RGS17: variants seen among roughly 807,000 people sequenced by gnomAD.
RGS17 encodes regulator of G-protein signaling 17.
RGS17 carries 12 observed loss-of-function variants against 25.5 expected under a neutral mutation model. The ratio of observed to expected loss-of-function variants is 0.47; its 90% CI spans 0.30 to 0.76. The LOEUF (loss-of-function observed/expected upper bound fraction) is 0.76, where lower values mean the gene tolerates loss of function less well. RGS17 is among the 30% of genes least tolerant of loss of function. The pLI is 0.07. For synonymous variants in RGS17, 71 were observed against 76.9 expected (o/e 0.92, Z 0.40); for missense variants, 196 against 242.2 (o/e 0.81, Z 1.27).
chr6:153,097,289 GATTTTT>G (rs61381463), intron 1 of RGS17, among the ~76,000 whole-genome samples: 1,913 of 77,200 alleles, frequency 0.025, 87 homozygotes, highest in African/African-American at 0.083. Flanking sequence ...GCGTTTTTTT[GATTTTT>G]TTTTTTTTTT....
rs576707948 is a variant in RGS17 at position 153,059,284 on chromosome 6, T to C, written c.-25-15241A>G. 8.1e-4 allele frequency among the ~76,000 whole-genome samples: 124 copies of C among 152,358 alleles called. 1 individual carries two copies. The highest frequency in any genetic ancestry group is 2.8e-3 in the African/African-American group (117 of 41,590). ...GGCTCATGTATATCTATTGGTCGCA[T>C]TTAAAAGCATTATTCGACAGAGCTG... On this transcript the variant is annotated intron_variant, in intron 1 of 4. Coordinates refer to ENST00000206262, the MANE Select transcript of RGS17 (RefSeq NM_012419.5).
At chr6:153,076,157 A>G (rs377398084) in intron 1 of RGS17, among the ~76,000 whole-genome samples, 2 of 152,270 alleles carry the variant, frequency 1.3e-5, no homozygotes, top group South Asian at 4.1e-4. Context: ...AATTTTAAAC[A>G]TTACACTCTG....
intron 1 of RGS17, among the ~76,000 whole-genome samples, chr6:153,071,450 G>C (rs1776801887): frequency 6.6e-6 from 1 of 151,978 alleles, no homozygotes; most frequent in African/African-American, 2.4e-5. Context: ...TATCAATGGT[G>C]TAGGACCAAG....
intron 1 of RGS17, among the ~76,000 whole-genome samples, chr6:153,117,988 G>A (rs955358906): frequency 6.6e-6 from 1 of 152,222 alleles, no homozygotes; most frequent in Non-Finnish European, 1.5e-5. Context: ...ACCACATTAG[G>A]AAGACAGTTC....
rs372293270 is a variant in RGS17 at position 153,081,938 on chromosome 6, T to C, written c.-25-37895A>G. Among the ~76,000 whole-genome samples, 12 of 152,322 alleles carry C rather than the reference T, an allele frequency of 7.9e-5. No individual in the cohort carries two copies. In the South Asian group the frequency reaches 1.0e-3, roughly 13 times the overall value. On this transcript the variant is annotated intron_variant, in intron 1 of 4. Transcript: ENST00000206262. Reference sequence around the variant, plus strand: ...GCATTACAGTTCTGTTTGACACATATTTTCTCAGTTATTGATGACTGGATA... The same window carrying C: ...GCATTACAGTTCTGTTTGACACATACTTTCTCAGTTATTGATGACTGGATA...
At chr6:153,050,251 G>A (rs1239345952) in intron 1 of RGS17, among the ~76,000 whole-genome samples, 1 of 151,982 alleles carries the variant, frequency 6.6e-6, no homozygotes, top group Non-Finnish European at 1.5e-5. Flanking sequence ...AGCTCAAAAG[G>A]AAAAGCTTTT....
Position 153,117,205 on chromosome 6 carries a change from G to C in RGS17, c.-26+13919C>G, listed in dbSNP as rs992975245. On this transcript the variant is annotated intron_variant, in intron 1 of 4. Coordinates refer to ENST00000206262, the MANE Select transcript of RGS17 (RefSeq NM_012419.5). ...TACAATCATGGCGGAAGGTGAAGGG[G>C]AAGCAAGCTTGGACTTTCTCACATG... 6.6e-5 allele frequency among the ~76,000 whole-genome samples: 10 copies of C among 152,324 alleles called. No homozygotes were observed. The East Asian group carries it at 1.2e-3, about 18-fold the overall frequency.
chr6:153,012,164 G>A (rs1779140909), intron 4 of RGS17, among the ~76,000 whole-genome samples: 1 of 152,106 alleles, frequency 6.6e-6, no homozygotes, highest in Non-Finnish European at 1.5e-5. Flanking sequence ...AAAATCTACT[G>A]GCAGAAAAGA....
chr6:153,061,675 G>A (rs1467692758), intron 1 of RGS17, among the ~76,000 whole-genome samples: 1 of 150,822 alleles, frequency 6.6e-6, no homozygotes, highest in Admixed American at 6.6e-5. Flanking sequence ...ATCTTAAATG[G>A]GAATGAAGAG....
intron 1 of RGS17, among the ~76,000 whole-genome samples, chr6:153,082,406 C>CT (rs1562329085): frequency 6.6e-6 from 1 of 152,090 alleles, no homozygotes; most frequent in Non-Finnish European, 1.5e-5. Flanking sequence ...TTTTTCCTCT[C>CT]TGTGTCTTAA....
intron 1 of RGS17, among the ~76,000 whole-genome samples, chr6:153,084,802 C>G (rs1777030795): frequency 6.6e-6 from 1 of 152,042 alleles, no homozygotes; most frequent in Admixed American, 6.6e-5. Context: ...TCTGGAAAAG[C>G]CTTAAGTGGT....
chr6:153,122,833 T>C (rs1777652124), intron 1 of RGS17, among the ~76,000 whole-genome samples: 1 of 151,770 alleles, frequency 6.6e-6, no homozygotes, highest in Non-Finnish European at 1.5e-5. Context: ...CTAATAACAA[T>C]AATAATCATA....
chr6:153,089,010 T>C (rs764030893), intron 1 of RGS17, among the ~76,000 whole-genome samples: 3 of 152,156 alleles, frequency 2.0e-5, no homozygotes, highest in African/African-American at 7.2e-5. Flanking sequence ...CTTTGTGTAT[T>C]TTGTGACTAT....
chr6:153,044,431 TAA>T (rs1269332928), intron 1 of RGS17, among the ~76,000 whole-genome samples: 1 of 152,242 alleles, frequency 6.6e-6, no homozygotes, highest in Non-Finnish European at 1.5e-5. Context: ...GTTTTTCCAC[TAA>T]TGTTTACAGT....
intron 1 of RGS17, among the ~76,000 whole-genome samples, chr6:153,113,839 T>C (rs1339240471): frequency 6.6e-6 from 1 of 152,076 alleles, no homozygotes; most frequent in Non-Finnish European, 1.5e-5. Flanking sequence ...ACCGCGTAAA[T>C]AATGAAATTA....
chr6:153,123,096 T>C (rs1777660440), intron 1 of RGS17, among the ~76,000 whole-genome samples: 1 of 151,958 alleles, frequency 6.6e-6, no homozygotes, highest in Admixed American at 6.6e-5. Context: ...CAGTTAATCA[T>C]AATAGTTTGT....
At chr6:153,052,872 A>C (rs1181441725) in intron 1 of RGS17, among the ~76,000 whole-genome samples, 1 of 152,224 alleles carries the variant, frequency 6.6e-6, no homozygotes, top group Non-Finnish European at 1.5e-5. Flanking sequence ...ATGACGGTGG[A>C]GGCCTCATGA....
chr6:153,120,728 T>C (rs1388964423), intron 1 of RGS17, among the ~76,000 whole-genome samples: 2 of 152,240 alleles, frequency 1.3e-5, no homozygotes, highest in Non-Finnish European at 2.9e-5. Flanking sequence ...TTTTTTAGCC[T>C]TATCATCTAG....
At chr6:153,105,068 G>A (rs1266901240) in intron 1 of RGS17, among the ~76,000 whole-genome samples, 1 of 152,188 alleles carries the variant, frequency 6.6e-6, no homozygotes, top group Admixed American at 6.5e-5. Flanking sequence ...AGGCATGGGG[G>A]TGGACAGACA....
Sources: gnomAD v4.1 joint callset for allele counts (sites outside exome capture counted in the v4.1 genomes callset) on GRCh38, gnomAD v4.1.1 for gene constraint, MANE v1.5 for transcripts, NCBI Gene and HGNC (gene_info 2026-07-23, HGNC 2026-07-21) for gene names.